DNASE1L3: variants seen among roughly 807,000 people sequenced by gnomAD.
DNASE1L3 encodes the protein deoxyribonuclease gamma.
DNASE1L3 carries 27 observed loss-of-function variants against 30.9 expected under a neutral mutation model. The observed-to-expected ratio is 0.87, with a 90% CI of 0.64 to 1.20. The LOEUF is 1.20. Among genes scored for constraint, DNASE1L3 ranks in the 50% most tolerant of loss-of-function variants. DNASE1L3 has a pLI of 0.00. For missense variants in DNASE1L3, 364 were observed against 378.2 expected, an observed-to-expected ratio of 0.96 and a Z score of 0.31; for synonymous variants, 135 against 138.0, an observed-to-expected ratio of 0.98 and a Z score of 0.15.
In DNASE1L3 at chr3:58,202,149, C is replaced by CT. The variant is rs771675575; in HGVS notation, c.434-1041dup. The stretch of plus-strand genomic sequence containing the variant: ...TTTTCTTCTTTTTTTTAAAGGTTTC[C>CT]TTTTTTTTTTTTTGAGACGGAGTTT... On this transcript the variant is annotated intron_variant, in intron 4 of 7. Transcript: ENST00000394549. 8.6e-3 allele frequency among the ~76,000 whole-genome samples: 1,188 copies of CT among 138,508 alleles called. 9 individuals carry two copies. Among genetic ancestry groups the CT allele is most frequent in the South Asian group, 0.022 (95 of 4,334 alleles). 90.9% of individuals were successfully genotyped at this position (138,508 alleles called of 152,430 possible). A position where few individuals can be genotyped will look rare whatever the true frequency, so the allele number is the denominator to read the frequency against.
At position 58,193,217 on chromosome 3, in the gene DNASE1L3, T is replaced by C. The variant is rs552818017; in HGVS notation, c.801+126A>G. On this transcript the variant is annotated intron_variant, in intron 7 of 7. Transcript: ENST00000394549. ...TCAGCCTCCCAAGTAGCTGGGACCA[T>C]AGGCATGCATCACCATGCCCAGCTA... 324 of 1,434,016 alleles carry C rather than the reference T, an allele frequency of 2.3e-4. 2 individuals carry two copies. The highest frequency in any genetic ancestry group is 2.0e-3 in the South Asian group (158 of 78,208). The allele number at this position is 1,434,016 out of a possible 1,614,324, so 88.8% of individuals were successfully genotyped here.
intron 6 of DNASE1L3, among the ~76,000 whole-genome samples, chr3:58,196,847 C>T (rs958645562): frequency 1.8e-4 from 27 of 152,174 alleles, no homozygotes; most frequent in Non-Finnish European, 3.7e-4. Flanking sequence ...AATGCTAGGA[C>T]TTAAATGTAT....
chr3:58,209,978 G>A (rs778484087), intron 1 of DNASE1L3, among the ~76,000 whole-genome samples: 2 of 152,144 alleles, frequency 1.3e-5, no homozygotes, highest in Non-Finnish European at 2.9e-5. Flanking sequence ...AGCAAGCAGT[G>A]TCCCCGGACA....
At chr3:58,195,294 T>G (rs1217478118) in intron 6 of DNASE1L3, among the ~76,000 whole-genome samples, 1 of 152,222 alleles carries the variant, frequency 6.6e-6, no homozygotes, top group Non-Finnish European at 1.5e-5. Flanking sequence ...ACTTTTTATT[T>G]TATTGTATTG....
Position 58,210,908 on chromosome 3 carries a change from C to G in DNASE1L3, c.-2G>C. On this transcript the variant is annotated 5_prime_UTR_variant, in exon 1 of 8. Transcript: ENST00000394549. The stretch of plus-strand genomic sequence containing the variant: ...CAGTGGGGCCAGCTCCCGTGACATC[C>G]TGGCGCTGCTCTGGCTTCAAGACTC... 6.2e-7 allele frequency: 1 copy of G among 1,613,600 alleles called. No homozygotes were observed. Among genetic ancestry groups the G allele is most frequent in the Non-Finnish European group, 8.5e-7 (1 of 1,179,956 alleles).
intron 1 of DNASE1L3, among the ~76,000 whole-genome samples, chr3:58,209,970 CA>C (rs1200562292): frequency 6.6e-6 from 1 of 152,070 alleles, no homozygotes; most frequent in African/African-American, 2.4e-5. Context: ...CCAGAGAAAG[CA>C]AGCAGTGTCC....
intron 4 of DNASE1L3, among the ~76,000 whole-genome samples, chr3:58,201,661 T>A (rs1417611470): frequency 3.3e-5 from 5 of 152,226 alleles, no homozygotes; most frequent in African/African-American, 1.2e-4. Flanking sequence ...CCTCTTTTCC[T>A]TTGTTCTCCC....
chr3:58,196,369 C>G (rs1488399809), intron 6 of DNASE1L3, among the ~76,000 whole-genome samples: 1 of 150,782 alleles, frequency 6.6e-6, no homozygotes, highest in African/African-American at 2.4e-5. Flanking sequence ...ATGGTGAAAC[C>G]CTGTCTCTAC....
In DNASE1L3 at chr3:58,207,449, CCCCCCCA is replaced by C. The variant is rs1432816934; in HGVS notation, c.230+762_230+768del. On this transcript the variant is annotated intron_variant, in intron 2 of 7. Coordinates refer to ENST00000394549, the MANE Select transcript of DNASE1L3 (RefSeq NM_004944.4). ...CACAGCTCTCTGATCACACCCCCCCCCCCCCCACCAGAAGTAACCACTATTAATAGTT... is the reference window on the plus strand; with the variant it reads ...CACAGCTCTCTGATCACACCCCCCCCCCAGAAGTAACCACTATTAATAGTT... Among the ~76,000 whole-genome samples the C allele has an allele frequency of 1.0e-3, 55 of 53,364 alleles. 1 individual carries two copies. Among genetic ancestry groups the C allele is most frequent in the African/African-American group, 3.8e-3 (40 of 10,444 alleles). The allele number at this position is 53,364 out of a possible 152,430, so 35.0% of individuals were successfully genotyped here.
intron 4 of DNASE1L3, among the ~76,000 whole-genome samples, chr3:58,204,301 C>T (rs1403863278): frequency 6.6e-6 from 1 of 152,004 alleles, no homozygotes; most frequent in Non-Finnish European, 1.5e-5. Context: ...CCACCATGCC[C>T]AGCTAATTTT....
intron 5 of DNASE1L3, among the ~76,000 whole-genome samples, chr3:58,198,542 G>A (rs1396274273): frequency 6.6e-6 from 1 of 152,214 alleles, no homozygotes; most frequent in Non-Finnish European, 1.5e-5. Flanking sequence ...TTGAGTCACA[G>A]TTTTGATGAG....
At chr3:58,204,992 A>C in intron 3 of DNASE1L3, 111 bp from the exon 4 acceptor site, 2 of 961,064 alleles carry the variant, frequency 2.1e-6, no homozygotes, top group Non-Finnish European at 1.6e-6. Context: ...AGCAGGCTCA[A>C]GCACAGGATC....
In DNASE1L3 at chr3:58,200,861, C is replaced by A; in HGVS notation, c.546+136G>T. 1.6e-6 allele frequency: 1 copy of A among 626,818 alleles called. No homozygotes were observed. Among genetic ancestry groups the A allele is most frequent in the Non-Finnish European group, 2.7e-6 (1 of 365,338 alleles). The allele number at this position is 626,818 out of a possible 1,614,324, so 38.8% of individuals were successfully genotyped here. ...AGGGATACTTAGGGCTGAAGAAAGG[C>A]CTTAAAGAATGCTGTAAGTGGTGGT... is the stretch of plus-strand genomic sequence containing the variant. On this transcript the variant is annotated intron_variant, in intron 5 of 7. Coordinates refer to ENST00000394549, the MANE Select transcript of DNASE1L3 (RefSeq NM_004944.4). This position sits in a 1 kb window ranked among gnomAD's most constrained non-coding sequence, Gnocchi z 4.2.
intron 2 of DNASE1L3, among the ~76,000 whole-genome samples, chr3:58,207,581 A>C (rs2097404958): frequency 6.6e-6 from 1 of 151,968 alleles, no homozygotes; most frequent in South Asian, 2.1e-4. Context: ...TTTTACCTGC[A>C]ATTCTCAACT....
chr3:58,210,204 A>G, intron 1 of DNASE1L3, among the ~76,000 whole-genome samples: 1 of 144,348 alleles, frequency 6.9e-6, no homozygotes. Flanking sequence ...GAAAAGACAG[A>G]AAGAAGAAAG....
intron 3 of DNASE1L3, 76 bp downstream of exon 3, chr3:58,205,395 G>A: frequency 7.3e-7 from 1 of 1,364,874 alleles, no homozygotes; most frequent in South Asian, 1.2e-5. Flanking sequence ...ATTTGGTTTT[G>A]AAGAAAAGAC....
chr3:58,197,676 C>T lies in DNASE1L3; in HGVS notation c.704+145G>A. ...TCATGTTGCCCAGGCTGGTCTCAAA[C>T]TCCTGTACTCAAGCGATCCATCCAT... On this transcript the variant is annotated intron_variant, in intron 6 of 7. Coordinates refer to ENST00000394549, the MANE Select transcript of DNASE1L3 (RefSeq NM_004944.4). The surrounding 1 kb of genome is among the most constrained non-coding windows in gnomAD (Gnocchi z 5.3). 1 of 1,103,004 alleles carries T rather than the reference C, an allele frequency of 9.1e-7. No homozygotes were observed. The highest frequency in any genetic ancestry group is 1.3e-6 in the Non-Finnish European group (1 of 764,676). 68.3% of individuals were successfully genotyped at this position (1,103,004 alleles called of 1,614,324 possible). A position where few individuals can be genotyped will look rare whatever the true frequency, so the allele number is the denominator to read the frequency against.
At chr3:58,201,142 C>A in intron 4 of DNASE1L3, 33 bp from the exon 5 acceptor site, 2 of 1,563,220 alleles carry the variant, frequency 1.3e-6, no homozygotes, top group South Asian at 2.3e-5. Flanking sequence ...GGGTCACACA[C>A]TTCCCCTGTC....
At chr3:58,206,052 C>T (rs2097403685) in intron 2 of DNASE1L3, among the ~76,000 whole-genome samples, 2 of 152,200 alleles carry the variant, frequency 1.3e-5, no homozygotes, top group African/African-American at 2.4e-5. Flanking sequence ...CAGGAATATT[C>T]TCTCCTCTGA....
Sources: allele counts gnomAD v4.1 joint callset (sites outside exome capture counted in the v4.1 genomes callset), GRCh38; gene constraint gnomAD v4.1.1; non-coding constraint Gnocchi (gnomAD v3.1); transcripts MANE v1.5; gene names NCBI Gene and HGNC (gene_info 2026-07-23, HGNC 2026-07-21).